The following PRMT3 variants were observed in gnomAD, a reference collection of about 807,000 sequenced individuals.
The protein encoded by PRMT3 is protein arginine N-methyltransferase 3.
Under a neutral mutation model 71.9 loss-of-function variants are expected in PRMT3, and 62 were observed. That is an observed-to-expected ratio of 0.86 (90% CI 0.70 to 1.07). The LOEUF (loss-of-function observed/expected upper bound fraction) is 1.07, where lower values mean the gene tolerates loss of function less well. Among genes scored for constraint, PRMT3 ranks in the 50% least tolerant of loss-of-function variants. The pLI, the probability that PRMT3 is intolerant of heterozygous loss-of-function variation, is 0.00. For synonymous variants in PRMT3, 213 were observed against 220.4 expected, an observed-to-expected ratio of 0.97 and a Z score of 0.30; for missense variants, 663 against 643.0, an observed-to-expected ratio of 1.03 and a Z score of -0.34.
intron 9 of PRMT3, among the ~76,000 whole-genome samples, chr11:20,410,003 C>G (rs778767351): frequency 9.9e-5 from 15 of 152,100 alleles, no homozygotes; most frequent in Non-Finnish European, 2.1e-4. Context: ...ATGAGTTAGT[C>G]ATTGTTTTTT....
intron 2 of PRMT3, 43 bp downstream of exon 2, chr11:20,388,197 G>C (rs551068898): frequency 1.2e-6 from 2 of 1,610,030 alleles, no homozygotes; most frequent in East Asian, 4.5e-5. Flanking sequence ...AGGGTGCCCG[G>C]GCGCGTGGGG....
At chr11:20,433,334 C>G (rs1849694158) in intron 10 of PRMT3, among the ~76,000 whole-genome samples, 1 of 152,112 alleles carries the variant, frequency 6.6e-6, no homozygotes, top group Non-Finnish European at 1.5e-5. Context: ...TATTAGTTTG[C>G]TAAAGATAAT....
At chr11:20,435,100 C>T (rs1236019398) in intron 10 of PRMT3, among the ~76,000 whole-genome samples, 1 of 152,186 alleles carries the variant, frequency 6.6e-6, no homozygotes, top group Non-Finnish European at 1.5e-5. Flanking sequence ...TTGAGATCAT[C>T]TCCACAAAAT....
intron 15 of PRMT3, 149 bp downstream of exon 15, chr11:20,494,403 G>A (rs1373146320): frequency 1.0e-5 from 7 of 694,632 alleles, no homozygotes; most frequent in South Asian, 5.7e-5. Context: ...CAGTGATCTC[G>A]GCTCACTGCA....
At chr11:20,424,103 A>G (rs1231619362) in intron 9 of PRMT3, among the ~76,000 whole-genome samples, 1 of 150,974 alleles carries the variant, frequency 6.6e-6, no homozygotes, top group Non-Finnish European at 1.5e-5. Flanking sequence ...AGAATGGTGT[A>G]AACCCGGGAG....
At chr11:20,398,594 AG>A (rs1365640629) in intron 7 of PRMT3, among the ~76,000 whole-genome samples, 2 of 152,206 alleles carry the variant, frequency 1.3e-5, no homozygotes, top group Non-Finnish European at 2.9e-5. Context: ...CTGGGACTAC[AG>A]GTGCCCGCCA....
At chr11:20,423,803 G>A (rs1182774933) in intron 9 of PRMT3, among the ~76,000 whole-genome samples, 1 of 147,052 alleles carries the variant, frequency 6.8e-6, no homozygotes, top group Non-Finnish European at 1.5e-5. Flanking sequence ...GATCCCGGGA[G>A]TTTGAGGTTA....
chr11:20,504,703 TGTGTGA>T (rs1851539472), intron 15 of PRMT3, among the ~76,000 whole-genome samples: 6 of 123,652 alleles, frequency 4.9e-5, no homozygotes, highest in African/African-American at 1.8e-4. Flanking sequence ...TGTGTGTGTG[TGTGTGA>T]GAGAGAGAGA....
intron 5 of PRMT3, among the ~76,000 whole-genome samples, chr11:20,395,266 G>T (rs756815853): frequency 1.3e-5 from 2 of 151,612 alleles, no homozygotes; most frequent in Non-Finnish European, 2.9e-5. Context: ...GTTCAGTTTA[G>T]CCAACTAATG....
At chr11:20,482,744 C>T (rs1383067263) in intron 13 of PRMT3, among the ~76,000 whole-genome samples, 1 of 151,836 alleles carries the variant, frequency 6.6e-6, no homozygotes, top group African/African-American at 2.4e-5. Flanking sequence ...TTCTAAAAAT[C>T]CTGAAGTACC....
intron 10 of PRMT3, among the ~76,000 whole-genome samples, chr11:20,443,108 C>T (rs1849946471): frequency 6.6e-6 from 1 of 152,142 alleles, no homozygotes; most frequent in African/African-American, 2.4e-5. Flanking sequence ...ACCCATTTTT[C>T]CTCAGTCTTA....
intron 2 of PRMT3, among the ~76,000 whole-genome samples, chr11:20,389,301 C>G (rs1440571799): frequency 2.0e-5 from 3 of 152,176 alleles, no homozygotes; most frequent in Non-Finnish European, 4.4e-5. Context: ...AGTATGCCAG[C>G]TGTAAAATTA....
intron 13 of PRMT3, among the ~76,000 whole-genome samples, chr11:20,467,014 G>A (rs1394520465): frequency 3.3e-5 from 5 of 152,188 alleles, no homozygotes; most frequent in Admixed American, 3.3e-4. Flanking sequence ...TTGGAAATTA[G>A]GTGAGCCTAA....
intron 3 of PRMT3, among the ~76,000 whole-genome samples, chr11:20,390,852 C>T (rs190566360): frequency 2.7e-3 from 408 of 152,268 alleles, no homozygotes; most frequent in Non-Finnish European, 5.1e-3. Context: ...AGATCGAGAC[C>T]ATCCTGGCTA....
intron 5 of PRMT3, among the ~76,000 whole-genome samples, chr11:20,393,259 A>T (rs762792376): frequency 6.6e-6 from 1 of 152,182 alleles, no homozygotes; most frequent in Non-Finnish European, 1.5e-5. Flanking sequence ...CATCATGGCT[A>T]ACACAGTGAA....
intron 10 of PRMT3, among the ~76,000 whole-genome samples, chr11:20,450,686 G>A (rs1260403010): frequency 2.0e-5 from 3 of 152,064 alleles, no homozygotes; most frequent in African/African-American, 7.2e-5. Flanking sequence ...TAGAGTTGCC[G>A]GCAATTCAGT....
chr11:20,393,378 C>T (rs146651424), intron 5 of PRMT3, among the ~76,000 whole-genome samples: 1 of 152,308 alleles, frequency 6.6e-6, no homozygotes, highest in Admixed American at 6.5e-5. Flanking sequence ...ACCTGGTATA[C>T]AGGTGACAGA....
chr11:20,462,240 T>C, intron 12 of PRMT3, 73 bp downstream of exon 12: 27 of 1,215,460 alleles, frequency 2.2e-5, no homozygotes, highest in Non-Finnish European at 3.1e-5. Context: ...GAAAATAATA[T>C]ATTGATTTTA....
chr11:20,508,149 TAA>T (rs11338942), intron 15 of PRMT3, among the ~76,000 whole-genome samples, 153 bp from the exon 16 acceptor site: 40,095 of 122,642 alleles, frequency 0.33, 7,354 homozygotes, highest in Non-Finnish European at 0.44. Context: ...GACTCCATCT[TAA>T]AAAAAAAAAA....
Sources: allele counts gnomAD v4.1 joint callset (sites outside exome capture counted in the v4.1 genomes callset), GRCh38; gene constraint gnomAD v4.1.1; transcripts MANE v1.5; gene names NCBI Gene and HGNC (gene_info 2026-07-23, HGNC 2026-07-21).